The following TTC28 variants were observed in gnomAD, a reference collection of about 807,000 sequenced individuals.
The protein encoded by TTC28 is tetratricopeptide repeat protein 28.
TTC28 carries 61 observed loss-of-function variants against 198.0 expected under a neutral mutation model. The ratio of observed to expected loss-of-function variants is 0.31; its 90% CI spans 0.25 to 0.38. The LOEUF (loss-of-function observed/expected upper bound fraction) is 0.38, where lower values mean the gene tolerates loss of function less well. TTC28 is among the 10% of genes least tolerant of loss of function. The pLI is 1.00. For synonymous variants in TTC28, 1,171 were observed against 1,297.8 expected, an observed-to-expected ratio of 0.90 and a Z score of 2.10; for missense variants, 2,678 against 3,164.0, an observed-to-expected ratio of 0.85 and a Z score of 3.69.
chr22:28,214,103 T>TCCTTATA, intron 5 of TTC28, among the ~76,000 whole-genome samples: 1 of 152,210 alleles, frequency 6.6e-6, no homozygotes, highest in Non-Finnish European at 1.5e-5. Flanking sequence ...CTGGATCCCT[T>TCCTTATA]CCTTATACCT....
At chr22:28,571,221 T>G (rs1031581541) in intron 2 of TTC28, among the ~76,000 whole-genome samples, 2 of 152,148 alleles carry the variant, frequency 1.3e-5, no homozygotes, top group Admixed American at 6.6e-5. Flanking sequence ...GCTGAGTAAA[T>G]CTTCGGCACC....
intron 5 of TTC28, among the ~76,000 whole-genome samples, chr22:28,270,766 G>A (rs980256160): frequency 1.3e-5 from 2 of 152,144 alleles, no homozygotes; most frequent in Non-Finnish European, 2.9e-5. Flanking sequence ...AGAGCCAGTG[G>A]CACATGCCTA....
intron 6 of TTC28, 80 bp downstream of exon 6, chr22:28,163,012 C>T (rs1921407228): frequency 1.4e-6 from 2 of 1,415,362 alleles, no homozygotes; most frequent in Admixed American, 2.8e-5. Flanking sequence ...ACACAGATTC[C>T]TATAAAAGAT....
At chr22:28,044,462 T>C (rs1939783150) in intron 12 of TTC28, among the ~76,000 whole-genome samples, 1 of 152,196 alleles carries the variant, frequency 6.6e-6, no homozygotes, top group Admixed American at 6.5e-5. Flanking sequence ...TTTTCTATTA[T>C]TATTATACTT....
intron 2 of TTC28, among the ~76,000 whole-genome samples, chr22:28,492,054 G>C (rs775026056): frequency 6.2e-5 from 9 of 146,080 alleles, no homozygotes; most frequent in Non-Finnish European, 1.4e-4. Context: ...GGTGAGAATT[G>C]AACAATGAGA....
chr22:28,120,573 C>T (rs1054801542), intron 6 of TTC28, among the ~76,000 whole-genome samples: 1 of 152,122 alleles, frequency 6.6e-6, no homozygotes, highest in African/African-American at 2.4e-5. Flanking sequence ...TTCAACTGTG[C>T]AACCCAGGGT....
At chr22:28,484,586 G>T (rs576781524) in intron 2 of TTC28, among the ~76,000 whole-genome samples, 1 of 152,068 alleles carries the variant, frequency 6.6e-6, no homozygotes, top group Non-Finnish European at 1.5e-5. Context: ...TCATCATACC[G>T]TAAGTACGCC....
At chr22:28,455,313 A>G (rs1263313359) in intron 2 of TTC28, among the ~76,000 whole-genome samples, 1 of 152,220 alleles carries the variant, frequency 6.6e-6, no homozygotes, top group Non-Finnish European at 1.5e-5. Context: ...AAATGTACAG[A>G]TATTATTTCT....
intron 2 of TTC28, among the ~76,000 whole-genome samples, chr22:28,584,634 T>C (rs2050285415): frequency 6.6e-6 from 1 of 152,192 alleles, no homozygotes; most frequent in African/African-American, 2.4e-5. Flanking sequence ...AATTAACAAG[T>C]TTAAATTTAA....
At chr22:28,368,885 C>A (rs1286680018) in intron 2 of TTC28, among the ~76,000 whole-genome samples, 6 of 151,872 alleles carry the variant, frequency 4.0e-5, no homozygotes, top group Admixed American at 2.0e-4. Context: ...ATGAAAGAAA[C>A]TGAAGAGGAC....
intron 2 of TTC28, among the ~76,000 whole-genome samples, chr22:28,590,269 AG>A (rs1408915038): frequency 6.6e-6 from 1 of 150,458 alleles, no homozygotes; most frequent in Non-Finnish European, 1.5e-5. Flanking sequence ...CTGGGACTAC[AG>A]GCGCCCACCA....
intron 2 of TTC28, among the ~76,000 whole-genome samples, chr22:28,529,384 TG>T (rs1206655265): frequency 2.0e-5 from 3 of 152,078 alleles, no homozygotes; most frequent in Non-Finnish European, 2.9e-5. Flanking sequence ...TGCTGAGGCT[TG>T]GGTAGGTAAA....
At chr22:28,587,956 A>G (rs2050347151) in intron 2 of TTC28, among the ~76,000 whole-genome samples, 1 of 150,458 alleles carries the variant, frequency 6.6e-6, no homozygotes, top group East Asian at 2.1e-4. Context: ...CCTGGCTAAC[A>G]TGGTGAAACC....
intron 6 of TTC28, among the ~76,000 whole-genome samples, chr22:28,161,771 AG>A (rs1489738143): frequency 3.8e-5 from 5 of 133,222 alleles, no homozygotes; most frequent in African/African-American, 1.3e-4. Context: ...GAAAGGAGGA[AG>A]GAAGAGAGGA....
chr22:28,037,045 AG>A (rs1186971220), intron 12 of TTC28, among the ~76,000 whole-genome samples: 2 of 152,202 alleles, frequency 1.3e-5, no homozygotes, highest in South Asian at 4.1e-4. Flanking sequence ...AACCAAAAAA[AG>A]TCCAGGACCA....
intron 2 of TTC28, among the ~76,000 whole-genome samples, chr22:28,352,318 T>C (rs1267638972): frequency 1.3e-5 from 2 of 148,550 alleles, no homozygotes; most frequent in East Asian, 1.9e-4. Context: ...TATACATATA[T>C]ATATATATAT....
At chr22:28,512,184 T>C (rs745384029) in intron 2 of TTC28, among the ~76,000 whole-genome samples, 2 of 150,838 alleles carry the variant, frequency 1.3e-5, no homozygotes, top group African/African-American at 2.4e-5. Flanking sequence ...CCAACGAACA[T>C]ATGAAAAAAA....
chr22:28,066,364 A>G (rs574482501), intron 12 of TTC28, among the ~76,000 whole-genome samples: 1 of 151,660 alleles, frequency 6.6e-6, no homozygotes, highest in East Asian at 2.0e-4. Context: ...GATCTACTGC[A>G]CTGGCAAATT....
At chr22:28,196,319 T>G (rs879393810) in intron 5 of TTC28, among the ~76,000 whole-genome samples, 4 of 152,086 alleles carry the variant, frequency 2.6e-5, no homozygotes, top group African/African-American at 7.2e-5. Flanking sequence ...ATGTTAGACC[T>G]AAAACCATAA....
Sources: allele counts gnomAD v4.1 joint callset (sites outside exome capture counted in the v4.1 genomes callset), GRCh38; gene constraint gnomAD v4.1.1; transcripts MANE v1.5; gene names NCBI Gene and HGNC (gene_info 2026-07-23, HGNC 2026-07-21).